The following SLC66A2 variants were observed in gnomAD, a reference collection of about 807,000 sequenced individuals.
SLC66A2 encodes the protein solute carrier family 66 member 2.
Under a neutral mutation model 25.5 loss-of-function variants are expected in SLC66A2, and 23 were observed. The ratio of observed to expected loss-of-function variants is 0.90; its 90% CI spans 0.65 to 1.28. The LOEUF (loss-of-function observed/expected upper bound fraction) is 1.28, where lower values mean the gene tolerates loss of function less well. SLC66A2 is among the 50% of genes most tolerant of loss of function. The pLI is 0.00. For missense variants in SLC66A2, 396 were observed against 373.1 expected (o/e 1.06, Z -0.51); for synonymous variants, 193 against 166.5 (o/e 1.16, Z -1.23).
intron 5 of SLC66A2, among the ~76,000 whole-genome samples, chr18:79,916,194 G>A (rs182539899): frequency 0.06 from 2,556 of 42,396 alleles, 288 homozygotes; most frequent in East Asian, 0.22. Flanking sequence ...CCATACCCAC[G>A]GTGCTCCCGT....
intron 4 of SLC66A2, among the ~76,000 whole-genome samples, chr18:79,922,586 A>G (rs1985379989): frequency 6.6e-6 from 1 of 152,150 alleles, no homozygotes; most frequent in Admixed American, 6.5e-5. Context: ...TGTATTCTGT[A>G]GAAACCACAC....
At position 79,919,474 on chromosome 18, in the gene SLC66A2, C is replaced by CG. The variant is rs1555703510; in HGVS notation, c.392-75dup. On this transcript the variant is annotated intron_variant, in intron 4 of 5. Transcript: ENST00000397778. ...AGGAGTCAAGGTCAGTGGGGAGAGA[C>CG]GGAACCGAGTGAGAGGTCAAGGTCA... is the stretch of plus-strand genomic sequence containing the variant. 601 of 960,748 alleles carry CG rather than the reference C, an allele frequency of 6.3e-4. 1 individual carries two copies. The highest frequency in any genetic ancestry group is 5.1e-4 in the Non-Finnish European group (335 of 661,436). 59.5% of individuals were successfully genotyped at this position (960,748 alleles called of 1,614,324 possible). A position where few individuals can be genotyped will look rare whatever the true frequency, so the allele number is the denominator to read the frequency against.
At chr18:79,923,928 T>C (rs1486023062) in intron 4 of SLC66A2, among the ~76,000 whole-genome samples, 1 of 151,850 alleles carries the variant, frequency 6.6e-6, no homozygotes, top group Non-Finnish European at 1.5e-5. Flanking sequence ...TCCCAGCTAC[T>C]TGGGAGGCCG....
In SLC66A2 at chr18:79,916,942, G is replaced by A. The variant is rs145812851; in HGVS notation, c.608+2242C>T. Among the ~76,000 whole-genome samples the A allele has an allele frequency of 2.0e-3, 310 of 152,384 alleles. 1 individual carries two copies. Among genetic ancestry groups the A allele is most frequent in the Non-Finnish European group, 2.5e-3 (173 of 68,038 alleles). Reference sequence around the variant, plus strand: ...TGTCTAAGTGTGGGTGGCATCTGGCGCTGTCTCTGGGTCAGGACAACCGGC... The same window carrying A: ...TGTCTAAGTGTGGGTGGCATCTGGCACTGTCTCTGGGTCAGGACAACCGGC... On this transcript the variant is annotated intron_variant, in intron 5 of 5. Transcript: ENST00000397778.
intron 2 of SLC66A2, among the ~76,000 whole-genome samples, chr18:79,948,915 C>T (rs1328240588): frequency 6.6e-6 from 1 of 152,336 alleles, no homozygotes; most frequent in Admixed American, 6.5e-5. Flanking sequence ...TAGAAACCTA[C>T]TTCCAGTCAA....
chr18:79,904,020 G>A lies in SLC66A2; in HGVS notation c.772C>T (p.Pro258Ser), dbSNP rs2123163104. ...GTGGGGTGCACGGCGTGGGGCGCCG[G>A]CTTCTGGGGGTGGCGGGCGAAGGCG... ...AYAFARHPQK[P>S]APHAVHPTGT... Residue 258 changes from proline (P) to serine (S), a missense_variant, in exon 6 of 6, where the codon CCG becomes TCG. Coordinates refer to ENST00000397778, the MANE Select transcript of SLC66A2 (RefSeq NM_025078.5). This position sits in a 1 kb window ranked among gnomAD's most constrained non-coding sequence, Gnocchi z 6.3. The A allele has an allele frequency of 6.2e-7, 1 of 1,607,038 alleles. No homozygotes were observed. Among genetic ancestry groups the A allele is most frequent in the African/African-American group, 1.3e-5 (1 of 74,792 alleles).
chr18:79,946,166 G>T (rs1292755488), intron 2 of SLC66A2, among the ~76,000 whole-genome samples: 1 of 152,218 alleles, frequency 6.6e-6, no homozygotes, highest in Non-Finnish European at 1.5e-5. Context: ...GATATGCACA[G>T]TAAAGAATGA....
chr18:79,915,372 CG>C, intron 5 of SLC66A2: 1 of 152,450 alleles, frequency 6.6e-6, no homozygotes, highest in Middle Eastern at 3.4e-3. Flanking sequence ...ACAGACTCTC[CG>C]GGGCGCTCAT....
intron 3 of SLC66A2, among the ~76,000 whole-genome samples, chr18:79,942,932 C>G (rs896862967): frequency 3.3e-5 from 5 of 152,156 alleles, no homozygotes; most frequent in South Asian, 2.1e-4. Context: ...TGAGTCACAG[C>G]AGAACTGAAA....
rs1166864076 is a variant in SLC66A2 at position 79,950,752 on chromosome 18, C to T, written c.175G>A (p.Val59Met). The change falls in exon 2 of 6, where the codon GTG (valine) becomes ATG (methionine). Residue 59 changes from valine to methionine, a missense_variant. Val to Met is a conservative substitution (Grantham distance 21). Coordinates refer to ENST00000397778, the MANE Select transcript of SLC66A2 (RefSeq NM_025078.5). ...AAGAGTATCCGCAAAATGTTGGCCACCAGCAGCACCAGGCACACGTAGGTG... is the reference window on the plus strand; with the variant it reads ...AAGAGTATCCGCAAAATGTTGGCCATCAGCAGCACCAGGCACACGTAGGTG... ...FSTYVCLVLL[V>M]ANILRILFWF... 1.2e-6 allele frequency: 2 copies of T among 1,613,158 alleles called. No individual in the cohort carries two copies. Among genetic ancestry groups the T allele is most frequent in the South Asian group, 2.2e-5 (2 of 91,096 alleles).
intron 5 of SLC66A2, among the ~76,000 whole-genome samples, chr18:79,910,611 A>AT (rs1173192372): frequency 2.0e-5 from 3 of 152,278 alleles, no homozygotes; most frequent in Non-Finnish European, 4.4e-5. Context: ...TTAAGCTGTA[A>AT]TTTAACATTT....
chr18:79,933,829 TA>T, intron 4 of SLC66A2, 139 bp downstream of exon 4: 1 of 673,654 alleles, frequency 1.5e-6, no homozygotes, highest in Non-Finnish European at 2.6e-6. Flanking sequence ...AGGAGTTGAT[TA>T]GTTTGCTGTA....
At chr18:79,943,083 C>G (rs767228293) in intron 3 of SLC66A2, among the ~76,000 whole-genome samples, 2 of 152,168 alleles carry the variant, frequency 1.3e-5, no homozygotes, top group Admixed American at 1.3e-4. Flanking sequence ...CAAGAGGAAC[C>G]GTGAAGATGT....
intron 3 of SLC66A2, among the ~76,000 whole-genome samples, chr18:79,942,608 T>G (rs1987773244): frequency 6.6e-6 from 1 of 152,228 alleles, no homozygotes; most frequent in Non-Finnish European, 1.5e-5. Context: ...AAGTGAGTGC[T>G]GTCTTAGATT....
chr18:79,905,314 C>T (rs754869514), intron 5 of SLC66A2, among the ~76,000 whole-genome samples: 12 of 152,244 alleles, frequency 7.9e-5, no homozygotes, highest in Non-Finnish European at 1.5e-4. Context: ...GGGATGTGTC[C>T]TCCCCTGGAT....
chr18:79,917,727 C>A lies in SLC66A2; in HGVS notation c.608+1457G>T, dbSNP rs1984381498. Among the ~76,000 whole-genome samples, 1 of 151,986 alleles carries A rather than the reference C, an allele frequency of 6.6e-6. No individual in the cohort carries two copies. The highest frequency in any genetic ancestry group is 2.1e-4 in the South Asian group (1 of 4,834). ...AGGGAGCCTGTTCCAGCCATGGACA[C>A]CCTCTCGGGCCTCCATGCACCCTCG... On this transcript the variant is annotated intron_variant, in intron 5 of 5. Coordinates refer to ENST00000397778, the MANE Select transcript of SLC66A2 (RefSeq NM_025078.5). The surrounding 1 kb of genome is among the most constrained non-coding windows in gnomAD (Gnocchi z 6.0).
At chr18:79,916,202 C>T (rs576932092) in intron 5 of SLC66A2, among the ~76,000 whole-genome samples, 7 of 118,198 alleles carry the variant, frequency 5.9e-5, no homozygotes, top group South Asian at 3.5e-4. Flanking sequence ...ACGGTGCTCC[C>T]GTACCCGCGG....
chr18:79,942,794 C>T (rs1599649216), intron 3 of SLC66A2, among the ~76,000 whole-genome samples: 1 of 152,232 alleles, frequency 6.6e-6, no homozygotes, highest in African/African-American at 2.4e-5. Flanking sequence ...GTGTGCTAAG[C>T]ATGTGATTGG....
intron 4 of SLC66A2, among the ~76,000 whole-genome samples, chr18:79,923,035 G>A (rs1180758749): frequency 2.6e-5 from 4 of 151,672 alleles, no homozygotes; most frequent in East Asian, 1.9e-4. Context: ...TGAGTGAGAC[G>A]CTGCTCGGCA....
Sources: allele counts gnomAD v4.1 joint callset (sites outside exome capture counted in the v4.1 genomes callset), GRCh38; gene constraint gnomAD v4.1.1; non-coding constraint Gnocchi (gnomAD v3.1); transcripts MANE v1.5; gene names NCBI Gene and HGNC (gene_info 2026-07-23, HGNC 2026-07-21).